The following MECOM variants were observed in gnomAD, a reference collection of about 807,000 sequenced individuals.
MECOM encodes the protein histone-lysine N-methyltransferase MECOM.
Under a neutral mutation model 116.3 loss-of-function variants are expected in MECOM, and 13 were observed. The ratio of observed to expected loss-of-function variants is 0.11; its 90% CI spans 0.07 to 0.18. The LOEUF is 0.18. Among genes scored for constraint, MECOM ranks in the 10% least tolerant of loss-of-function variants. MECOM has a pLI of 1.00. For missense variants in MECOM, 1,299 were observed against 1,509.0 expected, an observed-to-expected ratio of 0.86 and a Z score of 2.31; for synonymous variants, 528 against 535.2, an observed-to-expected ratio of 0.99 and a Z score of 0.19.
At chr3:169,433,661 GAAA>G in intron 1 of MECOM, among the ~76,000 whole-genome samples, 1 of 137,378 alleles carries the variant, frequency 7.3e-6, no homozygotes, top group Non-Finnish European at 1.5e-5. Flanking sequence ...AAGAAAGAAA[GAAA>G]GAAAGAAAGA....
chr3:169,551,459 C>T (rs967066092), intron 1 of MECOM, among the ~76,000 whole-genome samples: 6 of 151,836 alleles, frequency 4.0e-5, no homozygotes, highest in Non-Finnish European at 5.9e-5. Flanking sequence ...TCTTGGTTTA[C>T]GCAGTGCCCA....
chr3:169,552,814 T>C, intron 1 of MECOM, among the ~76,000 whole-genome samples: 1 of 151,802 alleles, frequency 6.6e-6, no homozygotes, highest in Non-Finnish European at 1.5e-5. Flanking sequence ...CCTCCTGATT[T>C]TTAAAGTGAG....
rs1426419656 is a variant in MECOM, at chr3:169,116,636, T to A, written c.1236A>T (p.Gln412His). The change falls in exon 8 of 17, where the codon CAA becomes CAT. Residue 412 changes from glutamine to histidine, a missense_variant. Coordinates refer to ENST00000651503, the MANE Select transcript of MECOM (RefSeq NM_004991.4). The part of the protein sequence containing the change: ...RTQIKCKDCG[Q>H]MFSTTSSLNK... ...TTAAGGAAGACGTAGTGCTGAACAT[T>A]TGTCCACAGTCTTTGCACTTGATTT... 1 of 1,614,192 alleles carries A rather than the reference T, an allele frequency of 6.2e-7. No individual in the cohort carries two copies. Among genetic ancestry groups the A allele is most frequent in the African/African-American group, 1.3e-5 (1 of 75,036 alleles).
At chr3:169,212,904 T>C (rs767171790) in intron 2 of MECOM, among the ~76,000 whole-genome samples, 8 of 151,248 alleles carry the variant, frequency 5.3e-5, no homozygotes, top group Admixed American at 2.0e-4. Flanking sequence ...CCTCCTATCA[T>C]TCAGACCACA....
chr3:169,087,482 G>A (rs139437252), intron 16 of MECOM, among the ~76,000 whole-genome samples: 3 of 151,826 alleles, frequency 2.0e-5, no homozygotes, highest in East Asian at 3.9e-4. Flanking sequence ...CAATAGTCCC[G>A]GTTATCCAGA....
chr3:169,204,913 G>A (rs1016797114), intron 2 of MECOM, among the ~76,000 whole-genome samples: 1 of 152,106 alleles, frequency 6.6e-6, no homozygotes, highest in Admixed American at 6.6e-5. Context: ...AAAGCTGACC[G>A]CATCCTCTGC....
At chr3:169,240,462 T>C (rs1577438462) in intron 2 of MECOM, among the ~76,000 whole-genome samples, 1 of 152,174 alleles carries the variant, frequency 6.6e-6, no homozygotes, top group South Asian at 2.1e-4. Flanking sequence ...AAATAGGACA[T>C]CACTAAAAGG....
At chr3:169,481,578 TAA>T (rs144666569) in intron 1 of MECOM, among the ~76,000 whole-genome samples, 10,670 of 147,990 alleles carry the variant, frequency 0.072, 641 homozygotes, top group East Asian at 0.25. Flanking sequence ...TACTTAAAAA[TAA>T]AAAAAAAACT....
intron 2 of MECOM, among the ~76,000 whole-genome samples, chr3:169,172,946 C>A (rs1744652804): frequency 6.6e-6 from 1 of 152,270 alleles, no homozygotes; most frequent in East Asian, 1.9e-4. Context: ...ATAAACCCTA[C>A]ATACTATATA....
chr3:169,295,054 C>T (rs969877724), intron 2 of MECOM, among the ~76,000 whole-genome samples: 23 of 152,052 alleles, frequency 1.5e-4, no homozygotes, highest in Non-Finnish European at 2.5e-4. Context: ...CTTAATGTTA[C>T]GTAAAATATG....
chr3:169,282,663 G>T (rs1712341858), intron 2 of MECOM, among the ~76,000 whole-genome samples: 1 of 152,078 alleles, frequency 6.6e-6, no homozygotes, highest in Admixed American at 6.6e-5. Context: ...AGATGGCCAG[G>T]CCCTTTGCCC....
intron 1 of MECOM, among the ~76,000 whole-genome samples, chr3:169,557,018 T>C (rs1762112179): frequency 6.6e-6 from 1 of 152,092 alleles, no homozygotes; most frequent in East Asian, 1.9e-4. Context: ...TCCCAGGACA[T>C]GGTGTAAGGA....
chr3:169,585,912 G>A (rs11714615), intron 1 of MECOM, among the ~76,000 whole-genome samples: 1 of 152,148 alleles, frequency 6.6e-6, no homozygotes, highest in Non-Finnish European at 1.5e-5. Context: ...AACATTCTTA[G>A]CAGGTGGTTC....
intron 2 of MECOM, among the ~76,000 whole-genome samples, chr3:169,173,216 C>T (rs1446871884): frequency 6.6e-6 from 1 of 152,162 alleles, no homozygotes; most frequent in African/African-American, 2.4e-5. Flanking sequence ...GACCCACCCT[C>T]TCCTGGTTCA....
chr3:169,331,109 A>T (rs896693021), intron 2 of MECOM, among the ~76,000 whole-genome samples: 8 of 152,098 alleles, frequency 5.3e-5, no homozygotes, highest in East Asian at 1.9e-4. Flanking sequence ...ACACTGTACA[A>T]ACATCCTAAC....
At chr3:169,123,127 A>G (rs1001244192) in intron 5 of MECOM, among the ~76,000 whole-genome samples, 9 of 151,736 alleles carry the variant, frequency 5.9e-5, no homozygotes, top group African/African-American at 2.2e-4. Context: ...CAATTAAGTG[A>G]GTAGTCAATT....
At chr3:169,448,224 G>A (rs937705383) in intron 1 of MECOM, among the ~76,000 whole-genome samples, 1 of 152,096 alleles carries the variant, frequency 6.6e-6, no homozygotes, top group African/African-American at 2.4e-5. Context: ...TGAGCAACTA[G>A]CCTTGCTACC....
chr3:169,536,718 T>C (rs1447800888), intron 1 of MECOM, among the ~76,000 whole-genome samples: 1 of 152,132 alleles, frequency 6.6e-6, no homozygotes, highest in Non-Finnish European at 1.5e-5. Flanking sequence ...TTGCCCAACC[T>C]CATGCTTCAA....
chr3:169,162,464 G>A (rs1742988094), intron 2 of MECOM, among the ~76,000 whole-genome samples: 1 of 152,158 alleles, frequency 6.6e-6, no homozygotes. Flanking sequence ...AAACAGAAGG[G>A]AGATGGATAA....
Sources: gnomAD v4.1 joint callset for allele counts (sites outside exome capture counted in the v4.1 genomes callset) on GRCh38, gnomAD v4.1.1 for gene constraint, MANE v1.5 for transcripts, NCBI Gene and HGNC (gene_info 2026-07-23, HGNC 2026-07-21) for gene names.